Variants in RCN1 observed in about 807,000 individuals in gnomAD.
The protein encoded by RCN1 is reticulocalbin-1.
RCN1 carries 14 observed loss-of-function variants against 34.7 expected under a neutral mutation model. The observed-to-expected ratio is 0.40, with a 90% CI of 0.27 to 0.63. The LOEUF is 0.63. Ranked by LOEUF, RCN1 falls within the 30% of genes least tolerant of loss-of-function variation. The probability of loss-of-function intolerance (pLI) is 0.37; values close to 1 mark genes in which losing one functional copy is unlikely to be tolerated. For synonymous variants in RCN1, 125 were observed against 165.5 expected, an observed-to-expected ratio of 0.76 and a Z score of 1.88; for missense variants, 326 against 425.1, an observed-to-expected ratio of 0.77 and a Z score of 2.05.
chr11:32,093,159 A>C (rs1851939543), intron 1 of RCN1, among the ~76,000 whole-genome samples: 1 of 152,208 alleles, frequency 6.6e-6, no homozygotes, highest in Non-Finnish European at 1.5e-5. Context: ...AGGTGTGGTC[A>C]TGCAGCTTCC....
intron 1 of RCN1, among the ~76,000 whole-genome samples, chr11:32,092,230 C>T (rs1851930782): frequency 6.6e-6 from 1 of 152,124 alleles, no homozygotes; most frequent in South Asian, 2.1e-4. Context: ...TCGCTTGAAC[C>T]CGGGAGGCGG....
chr11:32,091,581 C>A, intron 1 of RCN1, 131 bp downstream of exon 1: 2 of 1,195,528 alleles, frequency 1.7e-6, no homozygotes, highest in South Asian at 1.6e-5. Flanking sequence ...TGGGGCCCTG[C>A]CCAACTCGGC....
At chr11:32,093,778 A>G (rs1231533068) in intron 1 of RCN1, among the ~76,000 whole-genome samples, 1 of 152,174 alleles carries the variant, frequency 6.6e-6, no homozygotes, top group Non-Finnish European at 1.5e-5. Context: ...ATAATCCCCA[A>G]AACTCATTGG....
intron 1 of RCN1, among the ~76,000 whole-genome samples, chr11:32,092,461 A>C (rs190664050): frequency 1.3e-5 from 2 of 152,094 alleles, no homozygotes; most frequent in Non-Finnish European, 2.9e-5. Context: ...CTGCAGAAGC[A>C]CTCAGTTCTT....
Position 32,091,442 on chromosome 11 carries a change from G to A in RCN1, c.246G>A (p.Glu82=). 8 of 1,545,738 alleles carry A rather than the reference G, an allele frequency of 5.2e-6. No individual in the cohort carries two copies. The highest frequency in any genetic ancestry group is 7.0e-6 in the Non-Finnish European group (8 of 1,144,850). The stretch of plus-strand genomic sequence containing the variant: ...AGCTCACCCCGGACGAGAGCAAGGA[G>A]AGGCTAGGGTGAGGCCGCGGCCAGG... ...FDQLTPDESK[E]RLGKIVDRID... is the part of the protein sequence containing the mutation. The change falls in exon 1 of 6, where the codon GAG becomes GAA. Residue 82 remains glutamate, a synonymous_variant. Coordinates refer to ENST00000054950, the MANE Select transcript of RCN1 (RefSeq NM_002901.4).
chr11:32,097,705 G>A (rs1246566548), intron 2 of RCN1, among the ~76,000 whole-genome samples: 1 of 152,234 alleles, frequency 6.6e-6, no homozygotes, highest in Admixed American at 6.5e-5. Context: ...GGAGCAGTCA[G>A]GGAAGGCTTC....
At chr11:32,101,651 A>G (rs1016364042) in intron 4 of RCN1, among the ~76,000 whole-genome samples, 4 of 152,170 alleles carry the variant, frequency 2.6e-5, no homozygotes, top group Non-Finnish European at 5.9e-5. Flanking sequence ...CTTGTGTGTC[A>G]TTGGTAACAG....
intron 1 of RCN1, among the ~76,000 whole-genome samples, chr11:32,093,689 G>T (rs1015586365): frequency 6.6e-6 from 1 of 152,106 alleles, no homozygotes; most frequent in Non-Finnish European, 1.5e-5. Flanking sequence ...GGTGAGAATG[G>T]AGGGGAAACC....
chr11:32,101,254 AC>A (rs35579815), intron 4 of RCN1, among the ~76,000 whole-genome samples: 74,132 of 143,552 alleles, frequency 0.52, 18,856 homozygotes, highest in East Asian at 0.67. Flanking sequence ...CCCCAGCCCA[AC>A]CCCCCGCTAG....
intron 3 of RCN1, among the ~76,000 whole-genome samples, chr11:32,099,015 C>G (rs1402466340): frequency 6.6e-6 from 1 of 152,130 alleles, no homozygotes; most frequent in Admixed American, 6.5e-5. Context: ...AGTTTAGATA[C>G]GTGCCTAGAA....
intron 1 of RCN1, among the ~76,000 whole-genome samples, chr11:32,092,296 C>T (rs146913919): frequency 1.6e-4 from 25 of 152,126 alleles, no homozygotes; most frequent in Non-Finnish European, 2.9e-4. Context: ...TAGAGTGAGA[C>T]TCCATCTCAA....
intron 2 of RCN1, 100 bp downstream of exon 2, chr11:32,097,437 T>G: frequency 5.1e-6 from 4 of 780,718 alleles, no homozygotes; most frequent in Non-Finnish European, 5.7e-6. Context: ...TTCAGGGAGA[T>G]GTCACAGCCT....
intron 3 of RCN1, among the ~76,000 whole-genome samples, chr11:32,099,895 A>G (rs575591707): frequency 1.3e-5 from 2 of 152,196 alleles, no homozygotes; most frequent in Admixed American, 1.3e-4. Flanking sequence ...CAGGTGGTGA[A>G]TGATCCCGAG....
rs1852098354 is a variant in RCN1 at position 32,105,325 on chromosome 11, A to T, written c.*853A>T. On this transcript the variant is annotated 3_prime_UTR_variant, in exon 6 of 6. Transcript: ENST00000054950. ...GAATGAGTTGGTGGGATCCTTGGGAAGCCAAACGGAGCGGAGTTCTGGATC... is the reference window on the plus strand; with the variant it reads ...GAATGAGTTGGTGGGATCCTTGGGATGCCAAACGGAGCGGAGTTCTGGATC... 1 of 159,084 alleles carries T rather than the reference A, an allele frequency of 6.3e-6. No individual in the cohort carries two copies. 9.9% of individuals were successfully genotyped at this position (159,084 alleles called of 1,614,324 possible). A position where few individuals can be genotyped will look rare whatever the true frequency, so the allele number is the denominator to read the frequency against.
chr11:32,104,945 A>G lies in RCN1; in HGVS notation c.*473A>G, dbSNP rs1446303916. On this transcript the variant is annotated 3_prime_UTR_variant, in exon 6 of 6. Coordinates refer to ENST00000054950, the MANE Select transcript of RCN1 (RefSeq NM_002901.4). ...GTATCATCCTAGGTAAGCTTATTTC[A>G]GAACAAGTCTAATATTTCAGATTCT... The G allele has an allele frequency of 1.2e-5, 2 of 171,040 alleles. No homozygotes were observed. Among genetic ancestry groups the G allele is most frequent in the African/African-American group, 4.8e-5 (2 of 41,632 alleles). The allele number at this position is 171,040 out of a possible 1,614,324, so 10.6% of individuals were successfully genotyped here. A position where few individuals can be genotyped will look rare whatever the true frequency, so the allele number is the denominator to read the frequency against.
intron 4 of RCN1, among the ~76,000 whole-genome samples, chr11:32,101,662 A>G (rs1229897770): frequency 6.6e-6 from 1 of 152,154 alleles, no homozygotes; most frequent in African/African-American, 2.4e-5. Context: ...TTGGTAACAG[A>G]CAAGGTAGCT....
intron 1 of RCN1, among the ~76,000 whole-genome samples, chr11:32,095,408 G>A: frequency 6.6e-6 from 1 of 151,932 alleles, no homozygotes; most frequent in East Asian, 1.9e-4. Flanking sequence ...CACCATTCCT[G>A]GCTAATTTTT....
intron 2 of RCN1, among the ~76,000 whole-genome samples, chr11:32,097,961 G>A (rs1033545393): frequency 1.4e-4 from 21 of 152,194 alleles, no homozygotes; most frequent in Non-Finnish European, 2.5e-4. Flanking sequence ...GCACTCACGC[G>A]GCCAGAATCG....
intron 4 of RCN1, among the ~76,000 whole-genome samples, chr11:32,101,170 T>C (rs1852033179): frequency 6.6e-6 from 1 of 152,164 alleles, no homozygotes. Flanking sequence ...GGGAGTCCTA[T>C]AGTGTCAAAT....
Sources: allele counts gnomAD v4.1 joint callset (sites outside exome capture counted in the v4.1 genomes callset), GRCh38; gene constraint gnomAD v4.1.1; transcripts MANE v1.5; gene names NCBI Gene and HGNC (gene_info 2026-07-23, HGNC 2026-07-21).